The following TCF7L2 variants were observed in gnomAD, a reference collection of about 807,000 sequenced individuals.
The protein encoded by TCF7L2 is transcription factor 7-like 2.
In TCF7L2, 23 loss-of-function variants were observed where a neutral mutation model predicts 77.9. The ratio of observed to expected loss-of-function variants is 0.30; its 90% CI spans 0.21 to 0.42. The LOEUF (loss-of-function observed/expected upper bound fraction) is 0.42, where lower values mean the gene tolerates loss of function less well. Ranked by LOEUF, TCF7L2 falls within the 10% of genes least tolerant of loss-of-function variation. TCF7L2 has a pLI of 1.00. For missense variants in TCF7L2, 654 were observed against 793.1 expected (o/e 0.82, Z 2.11); for synonymous variants, 413 against 340.2 (o/e 1.21, Z -2.36).
intron 3 of TCF7L2, among the ~76,000 whole-genome samples, chr10:112,963,759 T>C (rs898198922): frequency 2.0e-4 from 30 of 152,292 alleles, no homozygotes; most frequent in African/African-American, 7.0e-4. Flanking sequence ...CCTGCTTCAT[T>C]GATGGGTGGT....
intron 4 of TCF7L2, among the ~76,000 whole-genome samples, chr10:113,034,627 G>C (rs145025193): frequency 6.6e-6 from 1 of 152,288 alleles, no homozygotes; most frequent in South Asian, 2.1e-4. Context: ...GGTCAGACAT[G>C]GCTCCCACCT....
intron 13 of TCF7L2, 98 bp from the exon 15 acceptor site, chr10:113,165,457 T>A (rs1439487174): frequency 7.4e-7 from 1 of 1,349,928 alleles, no homozygotes; most frequent in Non-Finnish European, 1.0e-6. Flanking sequence ...CTGTGGGACA[T>A]CCCTTAGGTG....
At chr10:113,113,337 C>CCAAA (rs2063354084) in intron 5 of TCF7L2, among the ~76,000 whole-genome samples, 1 of 152,190 alleles carries the variant, frequency 6.6e-6, no homozygotes, top group South Asian at 2.1e-4. Flanking sequence ...TTATAACTTA[C>CCAAA]CAAAGCAACT....
Position 112,950,834 on chromosome 10 carries a change from A to G in TCF7L2, c.78A>G (p.Glu26=), listed in dbSNP as rs768080592. 9 of 1,607,258 alleles carry G rather than the reference A, an allele frequency of 5.6e-6. No individual in the cohort carries two copies. Among genetic ancestry groups the G allele is most frequent in the African/African-American group, 2.7e-5 (2 of 74,826 alleles). ...TGATTTCCTTCAAAGACGAGGGCGA[A>G]CAGGAGGAGAAGAGCTCCGAAAACT... The change falls in exon 1 of 14, where the codon GAA becomes GAG. Residue 26 remains glutamate, a synonymous_variant. Transcript: ENST00000627217.
chr10:113,110,852 A>G (rs1366642832), intron 5 of TCF7L2, among the ~76,000 whole-genome samples: 1 of 152,230 alleles, frequency 6.6e-6, no homozygotes, highest in African/African-American at 2.4e-5. Flanking sequence ...TCCCAATCAT[A>G]GACTAATCTG....
chr10:113,010,639 G>T (rs145193447), intron 4 of TCF7L2, among the ~76,000 whole-genome samples: 4 of 152,320 alleles, frequency 2.6e-5, no homozygotes, highest in Non-Finnish European at 4.4e-5. Context: ...TAATCAGGGG[G>T]ACTGTGATTG....
chr10:113,089,350 T>G (rs776322575), intron 5 of TCF7L2: 1 of 1,578,518 alleles, frequency 6.3e-7, no homozygotes, highest in Non-Finnish European at 8.6e-7. Flanking sequence ...TGGTGACGTG[T>G]CCCCCTCGCT....
intron 4 of TCF7L2, among the ~76,000 whole-genome samples, chr10:112,989,295 C>T (rs767233286): frequency 1.3e-5 from 2 of 151,452 alleles, no homozygotes; most frequent in African/African-American, 2.4e-5. Flanking sequence ...GGTGAGGACT[C>T]GCAGCCTCAG....
intron 4 of TCF7L2, among the ~76,000 whole-genome samples, chr10:113,033,080 C>G (rs1229110746): frequency 6.6e-6 from 1 of 151,990 alleles, no homozygotes; most frequent in Non-Finnish European, 1.5e-5. Flanking sequence ...AAAAGAGTTC[C>G]GACTATGTTG....
chr10:112,979,047 A>T (rs1281681335), intron 4 of TCF7L2, among the ~76,000 whole-genome samples: 1 of 151,986 alleles, frequency 6.6e-6, no homozygotes, highest in Non-Finnish European at 1.5e-5. Flanking sequence ...ACCCTCTTTT[A>T]TGTGGGGAGG....
chr10:113,110,496 G>T lies in TCF7L2; in HGVS notation c.553-30688G>T, dbSNP rs530221770. On this transcript the variant is annotated intron_variant, in intron 5 of 13. Coordinates refer to ENST00000627217, the MANE Select transcript of TCF7L2 (RefSeq NM_001146274.2). ...CTTAATTGGTTCTATATATTTATAC[G>T]TGAGACACAGCAATAAACATGTAGT... is the stretch of plus-strand genomic sequence containing the variant. Among the ~76,000 whole-genome samples the T allele has an allele frequency of 4.6e-4, 69 of 150,570 alleles. No individual in the cohort carries two copies. The South Asian group carries it at 0.014, about 31-fold the overall frequency.
At chr10:112,991,050 T>C (rs2042442938) in intron 4 of TCF7L2, among the ~76,000 whole-genome samples, 1 of 152,206 alleles carries the variant, frequency 6.6e-6, no homozygotes, top group Non-Finnish European at 1.5e-5. Flanking sequence ...TCTGGATCCC[T>C]TCTTGCCAGG....
At chr10:113,113,981 T>C (rs2063442307) in intron 5 of TCF7L2, among the ~76,000 whole-genome samples, 2 of 152,340 alleles carry the variant, frequency 1.3e-5, no homozygotes, top group South Asian at 4.1e-4. Context: ...TATCAGTTGT[T>C]ACAGGTCAAA....
rs1564904323 is a variant in TCF7L2, at chr10:113,107,774, AAAC to A, written c.553-33404_553-33402del. On this transcript the variant is annotated intron_variant, in intron 5 of 13. Coordinates refer to ENST00000627217, the MANE Select transcript of TCF7L2 (RefSeq NM_001146274.2). ...GTCTAAAAAAAAAAAAAAAAAAAAA[AAAC>A]AACAAAAAAATCAAGGTACATCACT... is the stretch of plus-strand genomic sequence containing the variant. 3.5e-4 allele frequency among the ~76,000 whole-genome samples: 53 copies of A among 149,768 alleles called. 1 individual carries two copies. Among genetic ancestry groups the A allele is most frequent in the Non-Finnish European group, 4.7e-4 (32 of 67,566 alleles).
chr10:112,978,422 A>T (rs2039836590), intron 4 of TCF7L2, among the ~76,000 whole-genome samples: 1 of 151,458 alleles, frequency 6.6e-6, no homozygotes, highest in South Asian at 2.1e-4. Context: ...TCATATCCTA[A>T]TTTCTCATAG....
chr10:112,959,170 CT>C (rs34886366), intron 3 of TCF7L2, among the ~76,000 whole-genome samples: 11 of 149,116 alleles, frequency 7.4e-5, no homozygotes, highest in Admixed American at 1.3e-4. Context: ...TCAAGCTCAA[CT>C]TTTTTTTTTT....
intron 5 of TCF7L2, among the ~76,000 whole-genome samples, chr10:113,121,211 G>T (rs577825067): frequency 6.6e-6 from 1 of 152,284 alleles, no homozygotes; most frequent in South Asian, 2.1e-4. Flanking sequence ...TAGCAAAAGG[G>T]AACTGGCAGG....
rs2134266971 is a variant in TCF7L2 at position 113,040,138 on chromosome 10, C to T, written c.552+12C>T. 6.2e-7 allele frequency: 1 copy of T among 1,610,980 alleles called. No individual in the cohort carries two copies. Among genetic ancestry groups the T allele is most frequent in the Non-Finnish European group, 8.5e-7 (1 of 1,178,096 alleles). Reference sequence around the variant, plus strand: ...CGGCACACATTGTCGTAAGTAACCTCCCAGAGATGATGGCTTCCTTTATTG... The same window carrying T: ...CGGCACACATTGTCGTAAGTAACCTTCCAGAGATGATGGCTTCCTTTATTG... On this transcript the variant is annotated intron_variant, in intron 5 of 13. Coordinates refer to ENST00000627217, the MANE Select transcript of TCF7L2 (RefSeq NM_001146274.2).
chr10:113,146,141 C>G (rs2136994219), intron 8 of TCF7L2, 44 bp downstream of exon 8: 1 of 1,589,442 alleles, frequency 6.3e-7, no homozygotes, highest in Admixed American at 1.7e-5. Flanking sequence ...CCATGTGTGA[C>G]TTCTCAAGAA....
Sources: allele counts gnomAD v4.1 joint callset (sites outside exome capture counted in the v4.1 genomes callset), GRCh38; gene constraint gnomAD v4.1.1; transcripts MANE v1.5; gene names NCBI Gene and HGNC (gene_info 2026-07-23, HGNC 2026-07-21).